RNF144B: variants seen among roughly 807,000 people sequenced by gnomAD.
RNF144B encodes the protein E3 ubiquitin-protein ligase RNF144B.
In RNF144B, 25 loss-of-function variants were observed where a neutral mutation model predicts 40.2. The ratio of observed to expected loss-of-function variants is 0.62; its 90% CI spans 0.45 to 0.87. The LOEUF (loss-of-function observed/expected upper bound fraction) is 0.87, where lower values mean the gene tolerates loss of function less well. RNF144B is among the 40% of genes least tolerant of loss of function. The probability of loss-of-function intolerance (pLI) is 0.00; values close to 1 mark genes in which losing one functional copy is unlikely to be tolerated. For missense variants in RNF144B, 365 were observed against 373.7 expected (o/e 0.98, Z 0.19); for synonymous variants, 145 against 136.3 (o/e 1.06, Z -0.44).
intron 2 of RNF144B, among the ~76,000 whole-genome samples, chr6:18,409,437 C>CTTTG (rs963881671): frequency 1.4e-5 from 2 of 144,608 alleles, no homozygotes; most frequent in African/African-American, 5.0e-5. Context: ...GGGTAGATCT[C>CTTTG]TTTGAACATA....
intron 2 of RNF144B, among the ~76,000 whole-genome samples, chr6:18,403,229 C>G (rs1794827576): frequency 6.6e-6 from 1 of 152,246 alleles, no homozygotes; most frequent in South Asian, 2.1e-4. Flanking sequence ...AATAAATTCA[C>G]AAGTCAGTTA....
chr6:18,419,378 A>G lies in RNF144B; in HGVS notation c.166-8203A>G, dbSNP rs1223787031. On this transcript the variant is annotated intron_variant, in intron 2 of 7. Coordinates refer to ENST00000259939, the MANE Select transcript of RNF144B (RefSeq NM_182757.4). The surrounding 1 kb of genome is among the most constrained non-coding windows in gnomAD (Gnocchi z 4.6). ...TTTGGGATATATTCTCCTGAGAGCAAATAGGCAGTGGACTAGCACAACTGG... is the reference window on the plus strand; with the variant it reads ...TTTGGGATATATTCTCCTGAGAGCAGATAGGCAGTGGACTAGCACAACTGG... Among the ~76,000 whole-genome samples the G allele has an allele frequency of 6.6e-6, 1 of 152,162 alleles. No homozygotes were observed. Among genetic ancestry groups the G allele is most frequent in the Non-Finnish European group, 1.5e-5 (1 of 68,016 alleles).
intron 3 of RNF144B, among the ~76,000 whole-genome samples, chr6:18,429,128 G>A (rs1393365415): frequency 1.3e-5 from 2 of 152,058 alleles, no homozygotes; most frequent in Non-Finnish European, 2.9e-5. Context: ...AGCCCTGAAG[G>A]TCAAGGCTCC....
chr6:18,424,068 A>G (rs516487), intron 2 of RNF144B, among the ~76,000 whole-genome samples: 108,336 of 152,006 alleles, frequency 0.71, 39,434 homozygotes, highest in East Asian at 0.84. Context: ...ATTTGTTTTC[A>G]TTTTCTTTGT....
In RNF144B at chr6:18,400,796, A is replaced by G. The variant is rs188595823; in HGVS notation, c.165+1097A>G. 2.4e-4 allele frequency among the ~76,000 whole-genome samples: 37 copies of G among 152,338 alleles called. No individual in the cohort carries two copies. Among genetic ancestry groups the G allele is most frequent in the Admixed American group, 1.7e-3 (26 of 15,300 alleles). ...TTGCTTTTAGGAGCTTATATTCTAT[A>G]TAAGAACGTTGTGTAGGAGTTCAGG... On this transcript the variant is annotated intron_variant, in intron 2 of 7. Coordinates refer to ENST00000259939, the MANE Select transcript of RNF144B (RefSeq NM_182757.4). This position sits in a 1 kb window ranked among gnomAD's most constrained non-coding sequence, Gnocchi z 5.6.
Position 18,418,355 on chromosome 6 carries a change from G to A in RNF144B, c.166-9226G>A, listed in dbSNP as rs1795184517. 6.6e-6 allele frequency among the ~76,000 whole-genome samples: 1 copy of A among 152,164 alleles called. No homozygotes were observed. Among genetic ancestry groups the A allele is most frequent in the Non-Finnish European group, 1.5e-5 (1 of 68,030 alleles). On this transcript the variant is annotated intron_variant, in intron 2 of 7. Transcript: ENST00000259939. The surrounding 1 kb of genome is among the most constrained non-coding windows in gnomAD (Gnocchi z 5.2). ...CAACTGATGAAAGTATAAACAAAAT[G>A]TGGTATATTCACACAATGGCATACT...
Position 18,466,383 on chromosome 6 carries a change from T to C in RNF144B, c.*1316T>C, listed in dbSNP as rs112156079. 9.3e-4 allele frequency: 141 copies of C among 152,028 alleles called. No individual in the cohort carries two copies. Among genetic ancestry groups the C allele is most frequent in the African/African-American group, 3.2e-3 (134 of 41,296 alleles). 9.4% of individuals were successfully genotyped at this position (152,028 alleles called of 1,614,324 possible). A position where few individuals can be genotyped will look rare whatever the true frequency, so the allele number is the denominator to read the frequency against. On this transcript the variant is annotated 3_prime_UTR_variant, in exon 8 of 8. Coordinates refer to ENST00000259939, the MANE Select transcript of RNF144B (RefSeq NM_182757.4). The stretch of plus-strand genomic sequence containing the variant: ...TTAGGACAGTCTGAATACTTTCTGT[T>C]TCAAGGCACTGATAAAACCGCAACA...
intron 2 of RNF144B, among the ~76,000 whole-genome samples, chr6:18,408,262 G>GGC (rs1356823591): frequency 2.6e-5 from 4 of 152,130 alleles, no homozygotes; most frequent in African/African-American, 9.7e-5. Flanking sequence ...TGGGATTACA[G>GGC]ATGTGAGCCA....
Position 18,468,849 on chromosome 6 carries a change from C to G in RNF144B, c.*3782C>G, listed in dbSNP as rs1211819386. The G allele has an allele frequency of 6.6e-6, 1 of 152,120 alleles. No individual in the cohort carries two copies. The highest frequency in any genetic ancestry group is 1.5e-5 in the Non-Finnish European group (1 of 68,032). The allele number at this position is 152,120 out of a possible 1,614,324, so 9.4% of individuals were successfully genotyped here. On this transcript the variant is annotated 3_prime_UTR_variant, in exon 8 of 8. Transcript: ENST00000259939. Reference sequence around the variant, plus strand: ...AAAATAGCTGTTTAGGCTCTCTAGCCACAATAAATGTAAGCAGGAAATCAA... The same window carrying G: ...AAAATAGCTGTTTAGGCTCTCTAGCGACAATAAATGTAAGCAGGAAATCAA...
chr6:18,456,768 G>C lies in RNF144B; in HGVS notation c.332-387G>C, dbSNP rs1759336253. Among the ~76,000 whole-genome samples the C allele has an allele frequency of 6.6e-6, 1 of 152,020 alleles. No individual in the cohort carries two copies. The highest frequency in any genetic ancestry group is 1.5e-5 in the Non-Finnish European group (1 of 67,992). On this transcript the variant is annotated intron_variant, in intron 4 of 7. Coordinates refer to ENST00000259939, the MANE Select transcript of RNF144B (RefSeq NM_182757.4). This position sits in a 1 kb window ranked among gnomAD's most constrained non-coding sequence, Gnocchi z 4.7. ...CTTCCATAAATGTCAGTTTAAAAAA[G>C]AGGGTAAATGGGGCAGGTGTGGTGG...
At chr6:18,409,879 A>G (rs1355904120) in intron 2 of RNF144B, among the ~76,000 whole-genome samples, 3 of 152,014 alleles carry the variant, frequency 2.0e-5, no homozygotes, top group African/African-American at 4.8e-5. Flanking sequence ...CCTACATAAC[A>G]TTTTTTACTT....
Position 18,442,449 on chromosome 6 carries a change from A to G in RNF144B, c.331+2705A>G, listed in dbSNP as rs1477771720. 1.3e-5 allele frequency among the ~76,000 whole-genome samples: 2 copies of G among 152,214 alleles called. No individual in the cohort carries two copies. Among genetic ancestry groups the G allele is most frequent in the East Asian group, 3.8e-4 (2 of 5,198 alleles). ...CTTATTTTATAGATGAAGAAACTGA[A>G]AACAGGACAGATTGAGACTTGCCTA... On this transcript the variant is annotated intron_variant, in intron 4 of 7. Transcript: ENST00000259939. The surrounding 1 kb of genome is among the most constrained non-coding windows in gnomAD (Gnocchi z 4.3).
chr6:18,400,272 CAA>C lies in RNF144B; in HGVS notation c.165+589_165+590del, dbSNP rs11330587. On this transcript the variant is annotated intron_variant, in intron 2 of 7. Transcript: ENST00000259939. This position sits in a 1 kb window ranked among gnomAD's most constrained non-coding sequence, Gnocchi z 5.6. ...TGGGCGACAGAGCGAGACTCTGTCTCAAAAAAAAAAAAAAAAATTTAACATGC... is the reference window on the plus strand; with the variant it reads ...TGGGCGACAGAGCGAGACTCTGTCTCAAAAAAAAAAAAAAATTTAACATGC... Among the ~76,000 whole-genome samples, 448 of 115,252 alleles carry C rather than the reference CAA, an allele frequency of 3.9e-3. 3 individuals carry two copies. The highest frequency in any genetic ancestry group is 0.011 in the African/African-American group (338 of 29,630). The allele number at this position is 115,252 out of a possible 152,430, so 75.6% of individuals were successfully genotyped here.
chr6:18,432,414 A>C (rs1220001060), intron 3 of RNF144B, among the ~76,000 whole-genome samples: 36 of 152,172 alleles, frequency 2.4e-4, no homozygotes, highest in Non-Finnish European at 1.6e-4. Flanking sequence ...GGAAAAGTAA[A>C]ACTTTCCTCT....
intron 2 of RNF144B, among the ~76,000 whole-genome samples, chr6:18,426,041 T>TA (rs1758542464): frequency 6.6e-6 from 1 of 152,228 alleles, no homozygotes; most frequent in African/African-American, 2.4e-5. Context: ...ATAATAGTGA[T>TA]ACTAGTTTTA....
Position 18,457,199 on chromosome 6 carries a change from T to C in RNF144B, c.376T>C (p.Cys126Arg). Residue 126 changes from cysteine (C) to arginine (R), a missense_variant, in exon 5 of 8, where the codon TGT becomes CGT. Coordinates refer to ENST00000259939, the MANE Select transcript of RNF144B (RefSeq NM_182757.4). The surrounding 1 kb of genome is among the most constrained non-coding windows in gnomAD (Gnocchi z 5.1). The stretch of plus-strand genomic sequence containing the variant: ...CCGAACATGGTGTCCTGTTGCAGAC[T>C]GTCAGACAGTGTGCCCTGTTGCCTC... ...PYRTWCPVAD[C>R]QTVCPVASSD... is the part of the protein sequence containing the mutation. 1 of 1,614,158 alleles carries C rather than the reference T, an allele frequency of 6.2e-7. No homozygotes were observed. The highest frequency in any genetic ancestry group is 8.5e-7 in the Non-Finnish European group (1 of 1,180,020).
At chr6:18,413,393 G>T (rs966413358) in intron 2 of RNF144B, among the ~76,000 whole-genome samples, 1 of 152,170 alleles carries the variant, frequency 6.6e-6, no homozygotes, top group Non-Finnish European at 1.5e-5. Flanking sequence ...AAAAATCCAA[G>T]GAGTTTTTCA....
At chr6:18,454,659 G>T (rs1759286976) in intron 4 of RNF144B, among the ~76,000 whole-genome samples, 1 of 152,184 alleles carries the variant, frequency 6.6e-6, no homozygotes, top group African/African-American at 2.4e-5. Flanking sequence ...TCAACGGACT[G>T]TGCCATAGCT....
At chr6:18,428,169 G>A (rs954635000) in intron 3 of RNF144B, among the ~76,000 whole-genome samples, 4 of 152,058 alleles carry the variant, frequency 2.6e-5, no homozygotes, top group African/African-American at 7.3e-5. Flanking sequence ...TCCTTGCTGC[G>A]GCCATGTGAA....
Sources: allele counts gnomAD v4.1 joint callset (sites outside exome capture counted in the v4.1 genomes callset), GRCh38; gene constraint gnomAD v4.1.1; non-coding constraint Gnocchi (gnomAD v3.1); transcripts MANE v1.5; gene names NCBI Gene and HGNC (gene_info 2026-07-23, HGNC 2026-07-21).